GABRA5: variants seen among roughly 807,000 people sequenced by gnomAD.
GABRA5 encodes gamma-aminobutyric acid receptor subunit alpha-5.
Under a neutral mutation model 47.3 loss-of-function variants are expected in GABRA5, and 18 were observed. The ratio of observed to expected loss-of-function variants is 0.38; its 90% CI spans 0.26 to 0.56. The LOEUF (loss-of-function observed/expected upper bound fraction) is 0.56. Ranked by LOEUF, GABRA5 falls within the 20% of genes least tolerant of loss-of-function variation. The probability of loss-of-function intolerance (pLI) is 0.71; values close to 1 mark genes in which losing one functional copy is unlikely to be tolerated. For missense variants in GABRA5, 365 were observed against 599.3 expected (o/e 0.61, Z 4.08); for synonymous variants, 237 against 229.3 (o/e 1.03, Z -0.30).
chr15:26,930,755 T>C (rs1458643841), intron 7 of GABRA5, among the ~76,000 whole-genome samples: 4 of 152,140 alleles, frequency 2.6e-5, no homozygotes, highest in African/African-American at 9.7e-5. Context: ...CACACATCTC[T>C]TCCAGCCTCT....
At chr15:26,913,233 G>T (rs1893641596) in intron 6 of GABRA5, among the ~76,000 whole-genome samples, 1 of 151,082 alleles carries the variant, frequency 6.6e-6, no homozygotes, top group African/African-American at 2.4e-5. Flanking sequence ...AGACTTTTGT[G>T]TTGTGTTCTA....
Position 26,923,715 on chromosome 15 carries a change from C to G in GABRA5, c.580+8830C>G, listed in dbSNP as rs531927606. On this transcript the variant is annotated intron_variant, in intron 7 of 10. Coordinates refer to ENST00000335625, the MANE Select transcript of GABRA5 (RefSeq NM_000810.4). Reference sequence around the variant, plus strand: ...TGGTCCAGCCTGTCTCTGTTCTTCCCTGACCTCCAAGACATGGATCTCAGC... The same window carrying G: ...TGGTCCAGCCTGTCTCTGTTCTTCCGTGACCTCCAAGACATGGATCTCAGC... Among the ~76,000 whole-genome samples, 10 of 152,208 alleles carry G rather than the reference C, an allele frequency of 6.6e-5. No homozygotes were observed. The South Asian group carries it at 2.1e-3, about 32-fold the overall frequency.
intron 6 of GABRA5, among the ~76,000 whole-genome samples, chr15:26,890,426 A>ATTTTTTTTTTTTTTTTTTT (rs201726196): frequency 1.6e-5 from 2 of 128,582 alleles, no homozygotes; most frequent in African/African-American, 3.2e-5. Context: ...AGTCACTTCA[A>ATTTTTTTTTTTTTTTTTTT]TTTTTTTTTT....
chr15:26,948,037 C>T lies in GABRA5; in HGVS notation c.1193C>T (p.Ser398Leu), dbSNP rs199741124. Reference protein sequence around the residue: ...IPKEQTPAGTSNTTSVSVKPS... With the variant: ...IPKEQTPAGTLNTTSVSVKPS... ...AAGGAACAGACCCCAGCAGGGACGT[C>T]GAATACAACCTCAGTCTCAGTAAAA... is the stretch of plus-strand genomic sequence containing the variant. The change falls in exon 11 of 11, where the codon TCG becomes TTG. Residue 398 changes from serine to leucine, a missense_variant. By Grantham distance (145) the Ser-to-Leu change is moderately radical (BLOSUM62 -2). Transcript: ENST00000335625. 353 of 1,606,656 alleles carry T rather than the reference C, an allele frequency of 2.2e-4. 1 individual carries two copies. The African/African-American group carries it at 4.2e-3, about 19-fold the overall frequency.
At chr15:26,880,716 T>C in intron 3 of GABRA5, 130 bp from the exon 4 acceptor site, 2 of 846,660 alleles carry the variant, frequency 2.4e-6, no homozygotes, top group Non-Finnish European at 3.6e-6. Context: ...CTAGGCACTA[T>C]GGGAGCTGTG....
chr15:26,894,862 A>G (rs1360669080), intron 6 of GABRA5, among the ~76,000 whole-genome samples: 1 of 151,706 alleles, frequency 6.6e-6, no homozygotes, highest in Non-Finnish European at 1.5e-5. Flanking sequence ...CGTCTTGAGT[A>G]TCTTTTCTGT....
At chr15:26,907,232 C>A (rs1893466100) in intron 6 of GABRA5, among the ~76,000 whole-genome samples, 2 of 152,144 alleles carry the variant, frequency 1.3e-5, no homozygotes, top group Non-Finnish European at 2.9e-5. Flanking sequence ...TATTTTAAAG[C>A]AAGGAACTCT....
chr15:26,918,022 A>T (rs966076345), intron 7 of GABRA5, among the ~76,000 whole-genome samples: 9 of 150,014 alleles, frequency 6.0e-5, no homozygotes, highest in East Asian at 2.0e-4. Context: ...GATTCTGTTT[A>T]TTGTTTTTAG....
chr15:26,919,519 A>G (rs1022331998), intron 7 of GABRA5, among the ~76,000 whole-genome samples: 2 of 152,174 alleles, frequency 1.3e-5, no homozygotes, highest in Non-Finnish European at 2.9e-5. Context: ...ACACTTTACT[A>G]CTATTTCCCA....
rs1892351328 is a variant in GABRA5, at chr15:26,867,617, G to A, written c.-140+506G>A. 6.6e-6 allele frequency among the ~76,000 whole-genome samples: 1 copy of A among 152,010 alleles called. No individual in the cohort carries two copies. The highest frequency in any genetic ancestry group is 2.4e-5 in the African/African-American group (1 of 41,428). ...GGGCGCGGGAGAGAGCGGGGTCCGG[G>A]CGGCTCATCCCTGCCGGACGGGGCA... is the stretch of plus-strand genomic sequence containing the variant. On this transcript the variant is annotated intron_variant, in intron 1 of 10. Coordinates refer to ENST00000335625, the MANE Select transcript of GABRA5 (RefSeq NM_000810.4). The surrounding 1 kb of genome is among the most constrained non-coding windows in gnomAD (Gnocchi z 5.9).
At chr15:26,888,168 T>G (rs1275246219) in intron 6 of GABRA5, among the ~76,000 whole-genome samples, 1 of 152,220 alleles carries the variant, frequency 6.6e-6, no homozygotes, top group Non-Finnish European at 1.5e-5. Flanking sequence ...TTATCCATGA[T>G]GTTGGCTCTG....
chr15:26,930,201 C>T (rs560730993), intron 7 of GABRA5, among the ~76,000 whole-genome samples: 21 of 151,932 alleles, frequency 1.4e-4, no homozygotes, highest in East Asian at 7.8e-4. Flanking sequence ...TTAGTAAAGA[C>T]GGGGTTTCAC....
At chr15:26,905,702 A>G (rs944396030) in intron 6 of GABRA5, among the ~76,000 whole-genome samples, 1 of 151,554 alleles carries the variant, frequency 6.6e-6, no homozygotes, top group East Asian at 1.9e-4. Flanking sequence ...AGAATGGATG[A>G]TTTCATTTGA....
intron 4 of GABRA5, among the ~76,000 whole-genome samples, chr15:26,881,824 G>A (rs927863588): frequency 1.3e-5 from 2 of 151,984 alleles, no homozygotes; most frequent in East Asian, 1.9e-4. Flanking sequence ...CTCAGCCTCC[G>A]GAGTAGCTGG....
intron 6 of GABRA5, among the ~76,000 whole-genome samples, chr15:26,889,256 G>C (rs1051097932): frequency 1.3e-5 from 2 of 152,182 alleles, no homozygotes; most frequent in Non-Finnish European, 2.9e-5. Flanking sequence ...GGGGAAATAC[G>C]ATGTAGTGAA....
chr15:26,948,496 C>T lies in GABRA5; in HGVS notation c.*263C>T, dbSNP rs1450536528. 12 of 432,148 alleles carry T rather than the reference C, an allele frequency of 2.8e-5. No homozygotes were observed. Among genetic ancestry groups the T allele is most frequent in the African/African-American group, 5.9e-5 (3 of 50,884 alleles). 26.8% of individuals were successfully genotyped at this position (432,148 alleles called of 1,614,324 possible). On this transcript the variant is annotated 3_prime_UTR_variant, in exon 11 of 11. Transcript: ENST00000335625. ...TGACACTCAGATGCCCAGTATCATA[C>T]GTTGATAGTTTACAAACAAGATACG...
intron 7 of GABRA5, among the ~76,000 whole-genome samples, chr15:26,928,396 G>A (rs890130706): frequency 3.9e-5 from 6 of 152,090 alleles, no homozygotes; most frequent in African/African-American, 1.4e-4. Context: ...TTAACTGTGC[G>A]GTGTCTGAAT....
intron 6 of GABRA5, among the ~76,000 whole-genome samples, chr15:26,890,944 C>T (rs892474299): frequency 6.6e-6 from 1 of 152,180 alleles, no homozygotes; most frequent in East Asian, 1.9e-4. Context: ...GGTTCACAGA[C>T]ATGTTCTGTG....
rs1203561647 is a variant in GABRA5, at chr15:26,948,001, C to T, written c.1157C>T (p.Pro386Leu). The T allele has an allele frequency of 6.2e-7, 1 of 1,600,006 alleles. No homozygotes were observed. Among genetic ancestry groups the T allele is most frequent in the Non-Finnish European group, 8.5e-7 (1 of 1,172,760 alleles). Residue 386 changes from proline (P) to leucine (L), a missense_variant, in exon 11 of 11, where the codon CCA (proline) becomes CTA (leucine). By Grantham distance (98) the Pro-to-Leu change is moderately conservative. Coordinates refer to ENST00000335625, the MANE Select transcript of GABRA5 (RefSeq NM_000810.4). ...ACAACTGGGAAGATGTCTCACCCCCCAAACATTCCGAAGGAACAGACCCCA... is the reference window on the plus strand; with the variant it reads ...ACAACTGGGAAGATGTCTCACCCCCTAAACATTCCGAAGGAACAGACCCCA... ...AFTTGKMSHP[P>L]NIPKEQTPAG...
Sources: gnomAD v4.1 joint callset for allele counts (sites outside exome capture counted in the v4.1 genomes callset) on GRCh38, gnomAD v4.1.1 for gene constraint, Gnocchi (gnomAD v3.1) non-coding constraint, MANE v1.5 for transcripts, NCBI Gene and HGNC (gene_info 2026-07-23, HGNC 2026-07-21) for gene names.